SGCD: variants seen among roughly 807,000 people sequenced by gnomAD.
SGCD encodes the protein delta-sarcoglycan.
Under a neutral mutation model 36.6 loss-of-function variants are expected in SGCD, and 18 were observed. That is an observed-to-expected ratio of 0.49 (90% confidence interval 0.34 to 0.73). The LOEUF (loss-of-function observed/expected upper bound fraction) is 0.73, where lower values mean the gene tolerates loss of function less well. Among genes scored for constraint, SGCD ranks in the 30% least tolerant of loss-of-function variants. SGCD has a pLI of 0.01. For missense variants in SGCD, 387 were observed against 346.7 expected (o/e 1.12, Z -0.92); for synonymous variants, 133 against 130.6 (o/e 1.02, Z -0.12).
intron 3 of SGCD, among the ~76,000 whole-genome samples, chr5:156,457,417 A>T (rs190295238): frequency 5.3e-4 from 80 of 152,322 alleles, no homozygotes; most frequent in Admixed American, 3.3e-3. Context: ...AAATGCTTAA[A>T]CCAGAGTCAT....
chr5:155,833,694 A>G, the SGCD span, among the ~76,000 whole-genome samples: 1 of 152,224 alleles, frequency 6.6e-6, no homozygotes, highest in Non-Finnish European at 1.5e-5. Flanking sequence ...TGAGCAGCGG[A>G]AAGTGTAGTT....
intron 7 of SGCD, among the ~76,000 whole-genome samples, chr5:156,694,421 G>C (rs762632622): frequency 6.6e-6 from 1 of 152,100 alleles, no homozygotes; most frequent in Non-Finnish European, 1.5e-5. Context: ...CTGGCCACTT[G>C]CTTTATCATT....
intron 3 of SGCD, among the ~76,000 whole-genome samples, chr5:156,129,073 T>A (rs996882358): frequency 6.6e-6 from 1 of 152,176 alleles, no homozygotes; most frequent in Non-Finnish European, 1.5e-5. Flanking sequence ...CTGGGAAATG[T>A]TCATGAGGGA....
chr5:155,959,238 A>G (rs1220300982), intron 1 of SGCD, among the ~76,000 whole-genome samples: 6 of 152,244 alleles, frequency 3.9e-5, no homozygotes, highest in South Asian at 2.1e-4. Context: ...TTTTCTTCCT[A>G]TATCTTCATT....
chr5:156,330,827 T>A (rs1768035443), intron 2 of SGCD, among the ~76,000 whole-genome samples: 2 of 152,190 alleles, frequency 1.3e-5, no homozygotes, highest in African/African-American at 4.8e-5. Flanking sequence ...TATTGTGAAC[T>A]GAGCTCAGGG....
chr5:156,074,414 A>G (rs1324219215), intron 1 of SGCD, among the ~76,000 whole-genome samples: 1 of 152,198 alleles, frequency 6.6e-6, no homozygotes, highest in African/African-American at 2.4e-5. Context: ...AAAAATTGCA[A>G]AATTATTTTA....
the SGCD span, among the ~76,000 whole-genome samples, chr5:155,826,070 A>G: frequency 6.6e-6 from 1 of 152,204 alleles, no homozygotes; most frequent in East Asian, 1.9e-4. Flanking sequence ...TAAATAACAC[A>G]AAAGGAAGTT....
chr5:156,550,533 A>G (rs1029326777), intron 4 of SGCD, among the ~76,000 whole-genome samples: 2 of 152,134 alleles, frequency 1.3e-5, no homozygotes, highest in African/African-American at 4.8e-5. Context: ...ATTGATTTAC[A>G]CTCAGATCCC....
At chr5:156,611,407 T>C (rs762939736) in intron 6 of SGCD, among the ~76,000 whole-genome samples, 120 of 152,348 alleles carry the variant, frequency 7.9e-4, no homozygotes, top group South Asian at 1.7e-3. Flanking sequence ...ACAGTTATTA[T>C]CACTTAACAC....
chr5:156,198,961 G>C (rs11950500), intron 3 of SGCD, among the ~76,000 whole-genome samples: 1 of 151,770 alleles, frequency 6.6e-6, no homozygotes, highest in Admixed American at 6.6e-5. Context: ...CTCCCAAGTA[G>C]CTGGGATATA....
the SGCD span, among the ~76,000 whole-genome samples, chr5:155,771,724 T>C: frequency 6.6e-6 from 1 of 151,958 alleles, no homozygotes; most frequent in Non-Finnish European, 1.5e-5. Context: ...CACCCGGCCT[T>C]AATTTTTTAT....
chr5:155,818,642 T>A, the SGCD span, among the ~76,000 whole-genome samples: 1 of 152,140 alleles, frequency 6.6e-6, no homozygotes, highest in Non-Finnish European at 1.5e-5. Flanking sequence ...CACCTGAGCC[T>A]CCTGAGCAGC....
rs1234355652 is a variant in SGCD at position 156,256,412 on chromosome 5, A to T, written c.-43-73122A>T. Among the ~76,000 whole-genome samples the T allele has an allele frequency of 2.0e-5, 3 of 152,214 alleles. No homozygotes were observed. In the East Asian group the frequency reaches 5.8e-4, roughly 29 times the overall value. On this transcript the variant is annotated intron_variant, in intron 3 of 9. Coordinates refer to the SGCD transcript ENST00000517913. ...TTGCTGGTATTTGAATTTTGTACAT[A>T]TAGAACCAGACAGTATCTACTCATT...
chr5:155,835,069 G>A, the SGCD span, among the ~76,000 whole-genome samples: 95 of 140,934 alleles, frequency 6.7e-4, no homozygotes, highest in African/African-American at 2.1e-3. Flanking sequence ...GAGCAGTGAC[G>A]TGATCTCGGC....
chr5:156,463,881 A>T (rs2871958), intron 3 of SGCD, among the ~76,000 whole-genome samples: 1,602 of 152,026 alleles, frequency 0.011, 14 homozygotes, highest in Middle Eastern at 0.024. Flanking sequence ...GCTTTAGCCC[A>T]GGAGGTTGAG....
Position 156,127,806 on chromosome 5 carries a change from C to T in SGCD, c.-44+3787C>T, listed in dbSNP as rs1762212445. 3.2e-5 allele frequency among the ~76,000 whole-genome samples: 4 copies of T among 124,502 alleles called. No individual in the cohort carries two copies. The South Asian group carries it at 1.1e-3, about 35-fold the overall frequency. The allele number at this position is 124,502 out of a possible 152,430, so 81.7% of individuals were successfully genotyped here. ...AAGAAGCTTAATTTCTACCTTATAC[C>T]ATACACAAAAATCAGTTTGAGTCAG... is the stretch of plus-strand genomic sequence containing the variant. On this transcript the variant is annotated intron_variant, in intron 3 of 9. Transcript: ENST00000517913.
At position 156,296,768 on chromosome 5, in the gene SGCD, A is replaced by G. The variant is rs560907116; in HGVS notation, c.-43-32766A>G. 1.3e-5 allele frequency among the ~76,000 whole-genome samples: 2 copies of G among 152,244 alleles called. 1 individual carries two copies. The highest frequency in any genetic ancestry group is 4.1e-4 in the South Asian group (2 of 4,824). ...CTGAGAGGAATGTGTATTCTGTTAA[A>G]TCTAGTTAGTTTACTGTGATGTTCA... On this transcript the variant is annotated intron_variant, in intron 3 of 9. Transcript: ENST00000517913.
chr5:156,587,916 A>G (rs942375563), intron 4 of SGCD, among the ~76,000 whole-genome samples: 4 of 151,388 alleles, frequency 2.6e-5, no homozygotes, highest in African/African-American at 2.4e-5. Context: ...TTAGAATATA[A>G]GACTTAGAAG....
intron 3 of SGCD, among the ~76,000 whole-genome samples, chr5:156,165,667 G>A (rs1253519956): frequency 2.6e-5 from 4 of 152,114 alleles, no homozygotes; most frequent in Admixed American, 2.6e-4. Context: ...CAGTTGCCTC[G>A]GGCTTTTGCA....
Sources: gnomAD v4.1 joint callset for allele counts (sites outside exome capture counted in the v4.1 genomes callset) on GRCh38, gnomAD v4.1.1 for gene constraint, MANE v1.5 for transcripts, NCBI Gene and HGNC (gene_info 2026-07-23, HGNC 2026-07-21) for gene names.